QTMAN: variants seen among roughly 807,000 people sequenced by gnomAD.
The protein encoded by QTMAN is tRNA-queuosine alpha-mannosyltransferase.
At chr2:144,073,395 G>A in the QTMAN span, among the ~76,000 whole-genome samples, 1 of 152,048 alleles carries the variant, frequency 6.6e-6, no homozygotes, top group African/African-American at 2.4e-5. Context: ...TTATATTCCA[G>A]CCCAAGTCAT....
chr2:143,993,318 C>A, the QTMAN span, among the ~76,000 whole-genome samples: 1 of 151,356 alleles, frequency 6.6e-6, no homozygotes, highest in Non-Finnish European at 1.5e-5. Context: ...GCACATGGTG[C>A]TTGCATAAGC....
the QTMAN span, among the ~76,000 whole-genome samples, chr2:144,170,582 T>C: frequency 6.6e-6 from 1 of 152,124 alleles, no homozygotes; most frequent in Non-Finnish European, 1.5e-5. Context: ...ATCTGTAGTA[T>C]ACTGGATAGC....
chr2:144,314,917 G>C, the QTMAN span, among the ~76,000 whole-genome samples: 1 of 152,092 alleles, frequency 6.6e-6, no homozygotes, highest in Non-Finnish European at 1.5e-5. Flanking sequence ...ACAGGGTCTT[G>C]CTCTGTCGCC....
the QTMAN span, among the ~76,000 whole-genome samples, chr2:144,106,315 C>T: frequency 1.3e-5 from 2 of 152,076 alleles, no homozygotes; most frequent in Admixed American, 6.5e-5. Context: ...ACTGGCAAAT[C>T]GGACAAAGAG....
chr2:144,293,306 C>G, the QTMAN span, among the ~76,000 whole-genome samples: 1 of 152,188 alleles, frequency 6.6e-6, no homozygotes, highest in African/African-American at 2.4e-5. Context: ...TGGGAAGCAC[C>G]TGCTTCCAAT....
At chr2:144,252,795 CA>C in the QTMAN span, among the ~76,000 whole-genome samples, 1 of 152,168 alleles carries the variant, frequency 6.6e-6, no homozygotes, top group Non-Finnish European at 1.5e-5. Context: ...AACCTGCATG[CA>C]AATGTTTATA....
the QTMAN span, among the ~76,000 whole-genome samples, chr2:144,059,722 A>G: frequency 6.6e-6 from 1 of 152,166 alleles, no homozygotes; most frequent in Non-Finnish European, 1.5e-5. Context: ...CCCCACCTTA[A>G]CAGCTTTGCC....
the QTMAN span, among the ~76,000 whole-genome samples, chr2:144,055,347 A>C: frequency 6.6e-6 from 1 of 151,024 alleles, no homozygotes; most frequent in Admixed American, 6.6e-5. Context: ...ACACACACAC[A>C]CACACACACA....
the QTMAN span, among the ~76,000 whole-genome samples, chr2:144,164,295 T>C: frequency 6.6e-6 from 1 of 152,036 alleles, no homozygotes; most frequent in Admixed American, 6.6e-5. Context: ...TAAATGGGCC[T>C]ATGAGAGTAC....
At chr2:144,027,986 A>G in the QTMAN span, among the ~76,000 whole-genome samples, 1 of 152,154 alleles carries the variant, frequency 6.6e-6, no homozygotes, top group Admixed American at 6.5e-5. Flanking sequence ...GTTAGTATCT[A>G]AACTCCTTCG....
chr2:144,195,189 C>G, the QTMAN span, among the ~76,000 whole-genome samples: 13 of 151,944 alleles, frequency 8.6e-5, no homozygotes, highest in African/African-American at 2.9e-4. Context: ...TAGTAGAAAC[C>G]CTAGAACACA....
chr2:144,187,178 G>A, the QTMAN span, among the ~76,000 whole-genome samples: 2 of 152,116 alleles, frequency 1.3e-5, no homozygotes, highest in African/African-American at 2.4e-5. Flanking sequence ...TGCTGTAACA[G>A]AATACCTGAG....
the QTMAN span, among the ~76,000 whole-genome samples, chr2:144,215,226 A>T: frequency 6.6e-6 from 1 of 151,424 alleles, no homozygotes; most frequent in African/African-American, 2.4e-5. Context: ...TGAGTGACAG[A>T]GTGAGGTCCT....
At chr2:144,102,884 C>T in the QTMAN span, among the ~76,000 whole-genome samples, 3 of 152,144 alleles carry the variant, frequency 2.0e-5, no homozygotes, top group African/African-American at 7.2e-5. Flanking sequence ...AATAAAGGCA[C>T]AGCTTATTTG....
the QTMAN span, among the ~76,000 whole-genome samples, chr2:144,289,775 AAACACGATCC>A: frequency 6.6e-6 from 1 of 152,370 alleles, no homozygotes; most frequent in East Asian, 1.9e-4. Context: ...ATGAATAAGA[AAACACGATCC>A]AACTATGTGC....
the QTMAN span, among the ~76,000 whole-genome samples, chr2:144,278,625 C>G: frequency 3.2e-4 from 48 of 149,724 alleles, no homozygotes; most frequent in Non-Finnish European, 4.6e-4. Context: ...GGAGTAATGA[C>G]AGATCAAGAT....
chr2:144,054,919 T>C, the QTMAN span, among the ~76,000 whole-genome samples: 1 of 152,208 alleles, frequency 6.6e-6, no homozygotes, highest in African/African-American at 2.4e-5. Flanking sequence ...TTGAAAATAA[T>C]ATGCACTTTA....
chr2:144,091,004 A>C, the QTMAN span, among the ~76,000 whole-genome samples: 1 of 151,986 alleles, frequency 6.6e-6, no homozygotes, highest in South Asian at 2.1e-4. Context: ...AGACAAATAG[A>C]TCAACGGAAC....
At chr2:144,112,406 T>TA in the QTMAN span, among the ~76,000 whole-genome samples, 2 of 152,318 alleles carry the variant, frequency 1.3e-5, no homozygotes, top group South Asian at 4.1e-4. Flanking sequence ...ATACAGTAAT[T>TA]AGTTCCCTGG....
Sources: allele counts gnomAD v4.1 joint callset (sites outside exome capture counted in the v4.1 genomes callset), GRCh38; gene constraint gnomAD v4.1.1; transcripts MANE v1.5; gene names NCBI Gene and HGNC (gene_info 2026-07-23, HGNC 2026-07-21).